FRS3: variants seen among roughly 807,000 people sequenced by gnomAD.
FRS3 encodes the protein fibroblast growth factor receptor substrate 3.
A neutral mutation model predicts 41.9 loss-of-function variants in FRS3; 17 were observed. That is an observed-to-expected ratio of 0.41 (90% CI 0.28 to 0.61). The LOEUF (loss-of-function observed/expected upper bound fraction) is 0.61. Among genes scored for constraint, FRS3 ranks in the 20% least tolerant of loss-of-function variants. The pLI is 0.36. For synonymous variants in FRS3, 287 were observed against 274.5 expected (o/e 1.05, Z -0.45); for missense variants, 619 against 672.1 (o/e 0.92, Z 0.87).
At chr6:41,773,106 T>C in intron 4 of FRS3, 147 bp from the exon 5 acceptor site, 2 of 629,752 alleles carry the variant, frequency 3.2e-6, no homozygotes, top group Non-Finnish European at 5.5e-6. Flanking sequence ...AGCATTCTTT[T>C]TCTTTTCTTT....
chr6:41,777,750 TTCCAGTAC>T (rs1772440267), intron 2 of FRS3: 1 of 152,174 alleles, frequency 6.6e-6, no homozygotes, highest in African/African-American at 2.4e-5. Context: ...CCCTCCAGGA[TTCCAGTAC>T]TTGGATTATA....
Position 41,775,919 on chromosome 6 carries a change from C to CT in FRS3, c.67-315dup, listed in dbSNP as rs1439007287. The stretch of plus-strand genomic sequence containing the variant: ...TTAGACGACCCTAGACAGCCCATGC[C>CT]TTAGTATCCAAGGGCCAGATGTTAA... On this transcript the variant is annotated intron_variant, in intron 3 of 6. Coordinates refer to ENST00000373018, the MANE Select transcript of FRS3 (RefSeq NM_006653.5). Among the ~76,000 whole-genome samples the CT allele has an allele frequency of 2.6e-5, 4 of 152,180 alleles. No individual in the cohort carries two copies. In the East Asian group the frequency reaches 7.7e-4, roughly 29 times the overall value.
At chr6:41,778,658 T>C (rs1561893594) in intron 1 of FRS3, among the ~76,000 whole-genome samples, 1 of 152,176 alleles carries the variant, frequency 6.6e-6, no homozygotes, top group Non-Finnish European at 1.5e-5. Context: ...GCCTTAGTTT[T>C]TGGGGGAACC....
chr6:41,773,165 C>T (rs1212547018), intron 4 of FRS3, among the ~76,000 whole-genome samples: 4 of 152,036 alleles, frequency 2.6e-5, no homozygotes, highest in African/African-American at 9.7e-5. Flanking sequence ...TGCAATGGTG[C>T]GATCTCAGCT....
rs1772251405 is a variant in FRS3 at position 41,770,321 on chromosome 6, G to A, written c.*298C>T. 4 of 405,442 alleles carry A rather than the reference G, an allele frequency of 9.9e-6. No homozygotes were observed. Among genetic ancestry groups the A allele is most frequent in the African/African-American group, 2.0e-5 (1 of 49,022 alleles). The allele number at this position is 405,442 out of a possible 1,614,324, so 25.1% of individuals were successfully genotyped here. A position where few individuals can be genotyped will look rare whatever the true frequency, so the allele number is the denominator to read the frequency against. ...AAAAAACACACACGGACAGTCGGCAGACAAGACAAATGGACAGAACGGGAG... is the reference window on the plus strand; with the variant it reads ...AAAAAACACACACGGACAGTCGGCAAACAAGACAAATGGACAGAACGGGAG... On this transcript the variant is annotated 3_prime_UTR_variant, in exon 7 of 7. Coordinates refer to ENST00000373018, the MANE Select transcript of FRS3 (RefSeq NM_006653.5).
chr6:41,773,041 G>A (rs1431285731), intron 4 of FRS3, 82 bp from the exon 5 acceptor site: 1 of 1,144,116 alleles, frequency 8.7e-7, no homozygotes, highest in African/African-American at 1.5e-5. Flanking sequence ...TGCAGGAAAT[G>A]TCCCTCAACT....
At chr6:41,775,740 T>C (rs1772398098) in intron 3 of FRS3, 135 bp from the exon 4 acceptor site, 5 of 695,102 alleles carry the variant, frequency 7.2e-6, no homozygotes, top group Middle Eastern at 2.7e-4. Context: ...TCACAGACTC[T>C]ACTGAATGCC....
At position 41,770,953 on chromosome 6, in the gene FRS3, C is replaced by T; in HGVS notation, c.1145G>A (p.Ser382Asn). The T allele has an allele frequency of 6.2e-7, 1 of 1,612,910 alleles. No homozygotes were observed. The highest frequency in any genetic ancestry group is 8.5e-7 in the Non-Finnish European group (1 of 1,179,936). ...CAGTGGCACAGGAAAGCTGCCGTGG[C>T]TGCGGATGGCGGCCCGGGTGCTGGT... ...KPTSTRAAIR[S>N]HGSFPVPLTR... The change falls in exon 7 of 7, where the codon AGC becomes AAC. Residue 382 changes from serine (S) to asparagine (N), a missense_variant. Around this residue, in one of 3 missense-constraint regions of FRS3, gnomAD observed 487 missense variants for 478.3 expected, o/e 1.02. Coordinates refer to ENST00000373018, the MANE Select transcript of FRS3 (RefSeq NM_006653.5).
At position 41,770,648 on chromosome 6, in the gene FRS3, G is replaced by A. The variant is rs1772261555; in HGVS notation, c.1450C>T (p.Arg484Trp). The A allele has an allele frequency of 1.9e-6, 3 of 1,614,204 alleles. No homozygotes were observed. Among genetic ancestry groups the A allele is most frequent in the Non-Finnish European group, 8.5e-7 (1 of 1,180,038 alleles). Residue 484 changes from arginine (R) to tryptophan (W), a missense_variant, in exon 7 of 7, where the codon CGG becomes TGG. Around this residue, in one of 3 missense-constraint regions of FRS3, gnomAD observed 32 missense variants for 55.6 expected, o/e 0.58. Coordinates refer to ENST00000373018, the MANE Select transcript of FRS3 (RefSeq NM_006653.5). ...AGAGGCAGGTCGGTGCTGTTGTGCC[G>A]GGTTTTCCTGGCGGTGCCATCGTCT... ...PRDDGTARKT[R>W]HNSTDLPL
chr6:41,770,650 G>A lies in FRS3; in HGVS notation c.1448C>T (p.Thr483Ile). ...LPRDDGTARKTRHNSTDLPL is the reference protein window; with the variant it reads ...LPRDDGTARKIRHNSTDLPL ...AGGCAGGTCGGTGCTGTTGTGCCGG[G>A]TTTTCCTGGCGGTGCCATCGTCTCG... Residue 483 changes from threonine (T) to isoleucine (I), a missense_variant, in exon 7 of 7, where the codon ACC becomes ATC. By Grantham distance (89) the Thr-to-Ile change is moderately conservative. Around this residue, in one of 3 missense-constraint regions of FRS3, gnomAD observed 32 missense variants for 55.6 expected, o/e 0.58. Coordinates refer to ENST00000373018, the MANE Select transcript of FRS3 (RefSeq NM_006653.5). 6.2e-7 allele frequency: 1 copy of A among 1,614,214 alleles called. No homozygotes were observed. The highest frequency in any genetic ancestry group is 8.5e-7 in the Non-Finnish European group (1 of 1,180,048).
At chr6:41,775,046 A>G (rs1478748566) in intron 4 of FRS3, among the ~76,000 whole-genome samples, 1 of 152,196 alleles carries the variant, frequency 6.6e-6, no homozygotes, top group Non-Finnish European at 1.5e-5. Context: ...TCCAGCAAAC[A>G]TGACCTCGGA....
Position 41,771,392 on chromosome 6 carries a change from G to A in FRS3, c.706C>T (p.Gln236Ter). Residue 236 changes from glutamine to a stop codon, truncating the protein, a stop_gained, in exon 7 of 7, where the codon CAG becomes TAG. Transcript: ENST00000373018. LOFTEE classifies it high-confidence loss of function. ...PDQRDPQVFL[Q>*]PGQVKFVLGP... ...AACACAAACTTCACCTGGCCTGGCTGCAAGAACACCTGTGGGTCCCGTTGG... is the reference window on the plus strand; with the variant it reads ...AACACAAACTTCACCTGGCCTGGCTACAAGAACACCTGTGGGTCCCGTTGG... 1 of 1,613,716 alleles carries A rather than the reference G, an allele frequency of 6.2e-7. No individual in the cohort carries two copies.
At chr6:41,778,415 G>A (rs999174132) in intron 1 of FRS3, among the ~76,000 whole-genome samples, 1 of 152,092 alleles carries the variant, frequency 6.6e-6, no homozygotes, top group South Asian at 2.1e-4. Flanking sequence ...GACGACCAAA[G>A]ACCTTTTAAG....
At position 41,771,262 on chromosome 6, in the gene FRS3, C is replaced by A; in HGVS notation, c.836G>T (p.Cys279Phe). 1 of 1,607,966 alleles carries A rather than the reference C, an allele frequency of 6.2e-7. No individual in the cohort carries two copies. The highest frequency in any genetic ancestry group is 8.5e-7 in the Non-Finnish European group (1 of 1,175,972). The change falls in exon 7 of 7, where the codon TGT becomes TTT. Residue 279 changes from cysteine (C) to phenylalanine (F), a missense_variant. Physicochemically the swap from Cys to Phe is radical, Grantham distance 205. This residue lies in a region of FRS3 where 487 missense variants were observed against 478.3 expected (regional missense o/e 1.02). Coordinates refer to ENST00000373018, the MANE Select transcript of FRS3 (RefSeq NM_006653.5). Reference protein sequence around the residue: ...HNNNNEAPSECPAQPKCTYEN... With the variant: ...HNNNNEAPSEFPAQPKCTYEN... ...GTAGGTGCACTTGGGCTGGGCTGGA[C>A]ACTCAGAAGGGGCCTCATTGTTATT...
chr6:41,779,655 G>A (rs991939174), intron 1 of FRS3, among the ~76,000 whole-genome samples, 161 bp downstream of exon 1: 2 of 151,872 alleles, frequency 1.3e-5, no homozygotes, highest in Admixed American at 6.6e-5. Flanking sequence ...GTCTGGGTGC[G>A]CGCTGTCCCC....
intron 4 of FRS3, 96 bp downstream of exon 4, chr6:41,775,323 G>T: frequency 1.1e-6 from 1 of 924,838 alleles, no homozygotes; most frequent in Non-Finnish European, 1.6e-6. Flanking sequence ...AGGTGATGGG[G>T]ATAACACTAA....
chr6:41,775,263 C>G (rs543144956), intron 4 of FRS3, among the ~76,000 whole-genome samples, 156 bp downstream of exon 4: 1 of 152,312 alleles, frequency 6.6e-6, no homozygotes, highest in African/African-American at 2.4e-5. Context: ...AATAACCTAC[C>G]ACCCCTGACC....
chr6:41,773,758 A>G (rs1482579462), intron 4 of FRS3, among the ~76,000 whole-genome samples: 2 of 151,338 alleles, frequency 1.3e-5, no homozygotes, highest in African/African-American at 2.4e-5. Flanking sequence ...TGTAATCCCA[A>G]CTACTCAGGA....
At chr6:41,777,801 A>C (rs1037231365) in intron 2 of FRS3, 1 of 152,204 alleles carries the variant, frequency 6.6e-6, no homozygotes, top group Non-Finnish European at 1.5e-5. Context: ...CCTAGAATGA[A>C]GAGGACACCA....
Sources: allele counts gnomAD v4.1 joint callset (sites outside exome capture counted in the v4.1 genomes callset), GRCh38; gene constraint gnomAD v4.1.1; regional missense constraint gnomAD v4.1.1; transcripts MANE v1.5; gene names NCBI Gene and HGNC (gene_info 2026-07-23, HGNC 2026-07-21).